The following ASTN2 variants were observed in gnomAD, a reference collection of about 807,000 sequenced individuals.
ASTN2 encodes the protein astrotactin 2.
Under a neutral mutation model 139.8 loss-of-function variants are expected in ASTN2, and 54 were observed. The observed-to-expected ratio is 0.39, with a 90% CI of 0.31 to 0.48. The LOEUF (loss-of-function observed/expected upper bound fraction) is 0.48. Ranked by LOEUF, ASTN2 falls within the 20% of genes least tolerant of loss-of-function variation. The pLI is 0.95. For synonymous variants in ASTN2, 756 were observed against 719.5 expected (o/e 1.05, Z -0.81); for missense variants, 1,565 against 1,725.1 (o/e 0.91, Z 1.64).
chr9:117,011,179 A>C (rs894712345), intron 6 of ASTN2, among the ~76,000 whole-genome samples: 1 of 152,222 alleles, frequency 6.6e-6, no homozygotes, highest in African/African-American at 2.4e-5. Flanking sequence ...GATTTCTCTC[A>C]ATTATGAGAA....
chr9:117,191,819 G>T (rs1347395121), intron 3 of ASTN2, among the ~76,000 whole-genome samples: 1 of 152,160 alleles, frequency 6.6e-6, no homozygotes, highest in Admixed American at 6.5e-5. Flanking sequence ...CTGTCACTAT[G>T]CGGTGGTACT....
intron 2 of ASTN2, among the ~76,000 whole-genome samples, chr9:117,261,780 A>G (rs988267409): frequency 6.6e-6 from 1 of 152,150 alleles, no homozygotes; most frequent in Non-Finnish European, 1.5e-5. Flanking sequence ...TTCAGCTAGC[A>G]GCAGGCAAGG....
intron 4 of ASTN2, among the ~76,000 whole-genome samples, chr9:117,114,097 G>GC (rs1829317184): frequency 6.6e-6 from 1 of 151,668 alleles, no homozygotes; most frequent in Non-Finnish European, 1.5e-5. Context: ...TGGAGGATGA[G>GC]GTACAGAACA....
chr9:117,355,485 G>A (rs978361937), intron 1 of ASTN2, among the ~76,000 whole-genome samples: 3 of 152,168 alleles, frequency 2.0e-5, no homozygotes, highest in Non-Finnish European at 4.4e-5. Context: ...AGTGCAGAGA[G>A]AGGACATGGC....
At chr9:116,531,162 G>A (rs1471119127) in intron 19 of ASTN2, among the ~76,000 whole-genome samples, 2 of 152,072 alleles carry the variant, frequency 1.3e-5, no homozygotes, top group African/African-American at 2.4e-5. Context: ...ACTCTCTGTC[G>A]ATGGAAACAC....
intron 6 of ASTN2, among the ~76,000 whole-genome samples, chr9:117,010,719 T>C (rs1837503669): frequency 1.3e-5 from 2 of 152,150 alleles, no homozygotes; most frequent in Admixed American, 6.6e-5. Flanking sequence ...TTGGGGTACA[T>C]ATTCTTGTAA....
chr9:116,912,814 G>A (rs1190777171), intron 10 of ASTN2, among the ~76,000 whole-genome samples: 2 of 152,224 alleles, frequency 1.3e-5, no homozygotes, highest in South Asian at 2.1e-4. Flanking sequence ...GTACCATGGC[G>A]GTTAAGAACA....
intron 2 of ASTN2, among the ~76,000 whole-genome samples, chr9:117,276,547 C>A (rs182720345): frequency 2.6e-5 from 4 of 152,334 alleles, no homozygotes; most frequent in Non-Finnish European, 5.9e-5. Context: ...TGAGACAGGG[C>A]AGGCCTCTGG....
At chr9:116,796,068 C>T (rs1420927740) in intron 13 of ASTN2, among the ~76,000 whole-genome samples, 1 of 152,176 alleles carries the variant, frequency 6.6e-6, no homozygotes, top group Admixed American at 6.5e-5. Flanking sequence ...TAGTGATGAA[C>T]CTGGCAGCCC....
intron 3 of ASTN2, among the ~76,000 whole-genome samples, chr9:117,178,486 G>A: frequency 6.6e-6 from 1 of 152,202 alleles, no homozygotes; most frequent in East Asian, 1.9e-4. Context: ...AAGGACCAGA[G>A]ATATATGTCC....
In ASTN2 at chr9:116,728,999, G is replaced by A. The variant is rs755963783; in HGVS notation, c.2619C>T (p.Leu873=). ...CCAGGCAGTGGTCCTCACCTGCTGC[G>A]AGGGTGATGGTGCTGAGCTTCACAC... The part of the protein sequence containing the change: ...LYRVKLSTIT[L]AAGFTNVLKI... Residue 873 remains leucine (L), a synonymous_variant, in exon 15 of 23, where the codon CTC becomes CTT. Transcript: ENST00000313400. The A allele has an allele frequency of 9.5e-6, 15 of 1,583,144 alleles. No homozygotes were observed. Among genetic ancestry groups the A allele is most frequent in the Middle Eastern group, 1.7e-4 (1 of 6,032 alleles).
At chr9:116,913,678 C>T (rs909144039) in intron 10 of ASTN2, among the ~76,000 whole-genome samples, 1 of 152,148 alleles carries the variant, frequency 6.6e-6, no homozygotes, top group African/African-American at 2.4e-5. Flanking sequence ...ATATTTCATT[C>T]TCTACTGCCA....
At chr9:117,058,942 C>A (rs1839152750) in intron 5 of ASTN2, among the ~76,000 whole-genome samples, 1 of 152,136 alleles carries the variant, frequency 6.6e-6, no homozygotes, top group Non-Finnish European at 1.5e-5. Flanking sequence ...GAGAGGTAAG[C>A]AAAGGCATGC....
At chr9:117,299,820 G>A (rs1480785765) in intron 1 of ASTN2, among the ~76,000 whole-genome samples, 1 of 152,308 alleles carries the variant, frequency 6.6e-6, no homozygotes. Context: ...ATGGACCACA[G>A]TCATTCTGAC....
chr9:117,338,372 T>C (rs1282234205), intron 1 of ASTN2, among the ~76,000 whole-genome samples: 1 of 152,102 alleles, frequency 6.6e-6, no homozygotes, highest in Non-Finnish European at 1.5e-5. Context: ...AAACCTCCTT[T>C]CTTGAAGCAT....
chr9:116,796,313 G>C (rs746972390), intron 13 of ASTN2, among the ~76,000 whole-genome samples: 21 of 152,238 alleles, frequency 1.4e-4, no homozygotes, highest in Admixed American at 9.2e-4. Flanking sequence ...AAAATTGTTG[G>C]ATCATGTGAA....
At chr9:117,258,740 G>C (rs568138070) in intron 2 of ASTN2, among the ~76,000 whole-genome samples, 4 of 152,198 alleles carry the variant, frequency 2.6e-5, no homozygotes, top group African/African-American at 7.2e-5. Flanking sequence ...AAAACATGCT[G>C]TGCCCTTGCA....
At chr9:117,024,704 G>C (rs1220326933) in intron 6 of ASTN2, among the ~76,000 whole-genome samples, 1 of 152,116 alleles carries the variant, frequency 6.6e-6, no homozygotes, top group Admixed American at 6.5e-5. Context: ...TCACACTTGA[G>C]CTGTCACACT....
At chr9:116,542,327 CT>C (rs1170592148) in intron 19 of ASTN2, among the ~76,000 whole-genome samples, 131 of 152,204 alleles carry the variant, frequency 8.6e-4, no homozygotes, top group African/African-American at 3.1e-3. Context: ...GTAACATAAA[CT>C]TTTAGTGGTT....
Sources: gnomAD v4.1 joint callset for allele counts (sites outside exome capture counted in the v4.1 genomes callset) on GRCh38, gnomAD v4.1.1 for gene constraint, MANE v1.5 for transcripts, NCBI Gene and HGNC (gene_info 2026-07-23, HGNC 2026-07-21) for gene names.